The following UTRN variants were observed in gnomAD, a reference collection of about 807,000 sequenced individuals.
UTRN encodes utrophin.
In UTRN, 283 loss-of-function variants were observed where a neutral mutation model predicts 463.9. The ratio of observed to expected loss-of-function variants is 0.61; its 90% CI spans 0.55 to 0.67. The LOEUF (loss-of-function observed/expected upper bound fraction) is 0.67, where lower values mean the gene tolerates loss of function less well. UTRN is among the 30% of genes least tolerant of loss of function. The pLI, the probability that UTRN is intolerant of heterozygous loss-of-function variation, is 0.00. For missense variants in UTRN, 3,922 were observed against 4,084.3 expected, an observed-to-expected ratio of 0.96 and a Z score of 1.08; for synonymous variants, 1,442 against 1,431.5, an observed-to-expected ratio of 1.01 and a Z score of -0.17.
At chr6:144,621,649 G>A (rs2128647780) in intron 51 of UTRN, among the ~76,000 whole-genome samples, 1 of 152,224 alleles carries the variant, frequency 6.6e-6, no homozygotes, top group East Asian at 1.9e-4. Context: ...GGATGTTGCT[G>A]ATACTTAATT....
chr6:144,691,646 ACTT>A (rs752779178), intron 52 of UTRN, among the ~76,000 whole-genome samples: 1 of 151,814 alleles, frequency 6.6e-6, no homozygotes, highest in Non-Finnish European at 1.5e-5. Context: ...TCCCCTTTTA[ACTT>A]CTTCTATTTC....
chr6:144,605,357 G>A (rs933756928), intron 51 of UTRN, among the ~76,000 whole-genome samples: 11 of 152,000 alleles, frequency 7.2e-5, no homozygotes, highest in African/African-American at 2.7e-4. Context: ...GCATATAATA[G>A]GTATGCAAGA....
chr6:144,440,266 C>T (rs1165866288), intron 12 of UTRN, 86 bp from the exon 13 acceptor site: 3 of 1,408,408 alleles, frequency 2.1e-6, no homozygotes, highest in Non-Finnish European at 3.0e-6. Flanking sequence ...CATTAACTGT[C>T]CTTAATTACT....
rs1319096853 is a variant in UTRN, at chr6:144,577,256, A to G, written c.7447A>G (p.Ile2483Val). 7.4e-6 allele frequency: 12 copies of G among 1,613,778 alleles called. No individual in the cohort carries two copies. Among genetic ancestry groups the G allele is most frequent in the African/African-American group, 1.3e-5 (1 of 74,918 alleles). ...SHRENALQDS[I>V]LARELKQQMQ... ...TCGGGAGAATGCTCTTCAGGATAGT[A>G]TCTTGGCCAGGGAACTCAAACAGCA... Residue 2483 changes from isoleucine (I) to valine (V), a missense_variant, in exon 51 of 75, where the codon ATC becomes GTC. Ile to Val is a conservative substitution (Grantham distance 29). Coordinates refer to ENST00000367545, the MANE Select transcript of UTRN (RefSeq NM_007124.3).
At chr6:144,805,303 A>G (rs150454644) in intron 65 of UTRN, among the ~76,000 whole-genome samples, 135 of 152,298 alleles carry the variant, frequency 8.9e-4, no homozygotes, top group African/African-American at 3.0e-3. Flanking sequence ...AAGGAAACGA[A>G]TAAATGGGGT....
At chr6:144,547,957 A>C (rs942235554) in intron 46 of UTRN, among the ~76,000 whole-genome samples, 2 of 152,190 alleles carry the variant, frequency 1.3e-5, no homozygotes, top group Non-Finnish European at 2.9e-5. Flanking sequence ...TCATACCTGA[A>C]GTAGGTTACA....
chr6:144,615,412 A>G (rs1805976110), intron 51 of UTRN, among the ~76,000 whole-genome samples: 1 of 152,120 alleles, frequency 6.6e-6, no homozygotes, highest in Non-Finnish European at 1.5e-5. Context: ...TTCAGTTGCC[A>G]TCTCAGGCAT....
intron 17 of UTRN, among the ~76,000 whole-genome samples, chr6:144,451,060 C>T (rs778728356): frequency 2.6e-5 from 4 of 152,014 alleles, no homozygotes; most frequent in Non-Finnish European, 5.9e-5. Flanking sequence ...TGCAGTGAGC[C>T]GAGATCGTGC....
chr6:144,820,084 T>C (rs1779464809), intron 65 of UTRN, among the ~76,000 whole-genome samples: 1 of 151,922 alleles, frequency 6.6e-6, no homozygotes. Context: ...GATATCTGTA[T>C]TGTAAATAGA....
At chr6:144,396,341 G>A (rs575726260) in intron 2 of UTRN, among the ~76,000 whole-genome samples, 5 of 152,032 alleles carry the variant, frequency 3.3e-5, no homozygotes, top group African/African-American at 1.2e-4. Context: ...GCATAGAAAC[G>A]GACAGTAGAT....
chr6:144,634,634 T>C (rs1776905742), intron 51 of UTRN, among the ~76,000 whole-genome samples: 1 of 152,198 alleles, frequency 6.6e-6, no homozygotes, highest in South Asian at 2.1e-4. Context: ...ATTTAGTGTA[T>C]TTATAGAGCT....
Position 144,732,214 on chromosome 6 carries a change from T to TTTTATATA in UTRN, c.7939+1729_7939+1730insTTATATAT, listed in dbSNP as rs1319415092. On this transcript the variant is annotated intron_variant, in intron 54 of 74. Coordinates refer to ENST00000367545, the MANE Select transcript of UTRN (RefSeq NM_007124.3). The stretch of plus-strand genomic sequence containing the variant: ...AATTATTCCTTTTGAGTACTCTGTT[T>TTTTATATA]TATATATATATATATATATATATAC... Among the ~76,000 whole-genome samples the TTTTATATA allele has an allele frequency of 3.2e-5, 3 of 92,314 alleles. No homozygotes were observed. In the East Asian group the frequency reaches 1.5e-3, roughly 46 times the overall value. 60.6% of individuals were successfully genotyped at this position (92,314 alleles called of 152,430 possible). A position where few individuals can be genotyped will look rare whatever the true frequency, so the allele number is the denominator to read the frequency against.
At chr6:144,493,581 A>G in intron 33 of UTRN, 125 bp downstream of exon 33, 1 of 1,033,290 alleles carries the variant, frequency 9.7e-7, no homozygotes. Context: ...ATGTTTGAAA[A>G]TTATGAGATT....
intron 3 of UTRN, among the ~76,000 whole-genome samples, chr6:144,421,245 C>T (rs1211131517): frequency 6.6e-6 from 1 of 152,094 alleles, no homozygotes; most frequent in Non-Finnish European, 1.5e-5. Flanking sequence ...GAGCTTGCCT[C>T]GGCCTCCCAA....
intron 66 of UTRN, among the ~76,000 whole-genome samples, chr6:144,823,499 T>C (rs1417027864): frequency 6.6e-6 from 1 of 152,200 alleles, no homozygotes; most frequent in African/African-American, 2.4e-5. Flanking sequence ...TGAAGCTAAT[T>C]AGAATTTTCT....
chr6:144,841,289 T>C (rs1177978913), intron 73 of UTRN, among the ~76,000 whole-genome samples: 1 of 152,228 alleles, frequency 6.6e-6, no homozygotes, highest in South Asian at 2.1e-4. Context: ...CAGAAAGGGA[T>C]TGTTTTCAGA....
intron 13 of UTRN, among the ~76,000 whole-genome samples, chr6:144,443,425 G>C (rs998072179): frequency 6.6e-6 from 1 of 152,134 alleles, no homozygotes; most frequent in Admixed American, 6.5e-5. Context: ...ATCATGCTGA[G>C]ACTGGAAATC....
At chr6:144,356,468 T>C (rs1351500915) in intron 2 of UTRN, among the ~76,000 whole-genome samples, 1 of 152,248 alleles carries the variant, frequency 6.6e-6, no homozygotes, top group Non-Finnish European at 1.5e-5. Context: ...GGCACTGCTC[T>C]AGTAACTGCT....
chr6:144,736,697 C>T (rs1030332060), intron 54 of UTRN, among the ~76,000 whole-genome samples: 2 of 152,188 alleles, frequency 1.3e-5, no homozygotes, highest in African/African-American at 4.8e-5. Context: ...GCCCGTAGTG[C>T]ATGCCATGGG....
Sources: allele counts gnomAD v4.1 joint callset (sites outside exome capture counted in the v4.1 genomes callset), GRCh38; gene constraint gnomAD v4.1.1; transcripts MANE v1.5; gene names NCBI Gene and HGNC (gene_info 2026-07-23, HGNC 2026-07-21).